Variants in ZSCAN25 observed in about 807,000 individuals in gnomAD.
ZSCAN25 encodes the protein zinc finger and SCAN domain-containing protein 25.
ZSCAN25 carries 27 observed loss-of-function variants against 38.7 expected under a neutral mutation model. The ratio of observed to expected loss-of-function variants is 0.70; its 90% confidence interval spans 0.51 to 0.96. The LOEUF is 0.96. Among genes scored for constraint, ZSCAN25 ranks in the 40% least tolerant of loss-of-function variants. The pLI, the probability that ZSCAN25 is intolerant of heterozygous loss-of-function variation, is 0.00. For missense variants in ZSCAN25, 637 were observed against 705.9 expected (o/e 0.90, Z 1.11); for synonymous variants, 273 against 277.7 (o/e 0.98, Z 0.17).
At chr7:99,650,103 G>C in the ZSCAN25 span, 1 of 1,614,114 alleles carries the variant, frequency 6.2e-7, no homozygotes. Flanking sequence ...TGAAGGAGAA[G>C]TTCTGAAGGA....
At chr7:99,678,629 T>G in the ZSCAN25 span, among the ~76,000 whole-genome samples, 1 of 152,216 alleles carries the variant, frequency 6.6e-6, no homozygotes, top group African/African-American at 2.4e-5. Flanking sequence ...TGTTTTACCA[T>G]CCAGAAGGAA....
chr7:99,631,176 G>A lies in ZSCAN25; in HGVS notation c.*1156G>A. ...TGGGCCTGTATTCATTGCTTTGTCA[G>A]CATCTTGCCCTGAAATGCATTTGTC... is the stretch of plus-strand genomic sequence containing the variant. On this transcript the variant is annotated 3_prime_UTR_variant, in exon 8 of 8. Transcript: ENST00000394152. 1 of 985,362 alleles carries A rather than the reference G, an allele frequency of 1.0e-6. No homozygotes were observed. Among genetic ancestry groups the A allele is most frequent in the South Asian group, 4.7e-5 (1 of 21,290 alleles). 61.0% of individuals were successfully genotyped at this position (985,362 alleles called of 1,614,324 possible). A position where few individuals can be genotyped will look rare whatever the true frequency, so the allele number is the denominator to read the frequency against.
the ZSCAN25 span, among the ~76,000 whole-genome samples, chr7:99,714,371 A>G: frequency 6.6e-6 from 1 of 152,142 alleles, no homozygotes; most frequent in Non-Finnish European, 1.5e-5. Flanking sequence ...ACTCATTCTC[A>G]TATCTCCTTC....
the ZSCAN25 span, among the ~76,000 whole-genome samples, chr7:99,693,405 C>T: frequency 1.1e-4 from 16 of 152,218 alleles, no homozygotes; most frequent in African/African-American, 3.9e-4. Flanking sequence ...GAATACCGTG[C>T]TGAGAGAACC....
chr7:99,623,372 C>G (rs531763910), intron 6 of ZSCAN25, among the ~76,000 whole-genome samples: 1 of 152,318 alleles, frequency 6.6e-6, no homozygotes, highest in East Asian at 1.9e-4. Context: ...ACTCATCTGC[C>G]ACAAATGAGG....
At chr7:99,727,811 C>T in the ZSCAN25 span, among the ~76,000 whole-genome samples, 2 of 152,192 alleles carry the variant, frequency 1.3e-5, no homozygotes, top group Non-Finnish European at 2.9e-5. Flanking sequence ...TTTATACTGA[C>T]TCTAAATGCT....
At chr7:99,727,311 CT>C in the ZSCAN25 span, among the ~76,000 whole-genome samples, 1 of 152,228 alleles carries the variant, frequency 6.6e-6, no homozygotes, top group Non-Finnish European at 1.5e-5. Context: ...CACCCTAATA[CT>C]TTTAGAAGCC....
At chr7:99,643,061 G>A in the ZSCAN25 span, among the ~76,000 whole-genome samples, 1 of 152,016 alleles carries the variant, frequency 6.6e-6, no homozygotes, top group South Asian at 2.1e-4. Context: ...TTTAATGTAG[G>A]TAATGAAGTT....
the ZSCAN25 span, among the ~76,000 whole-genome samples, chr7:99,656,574 A>G: frequency 6.6e-6 from 1 of 152,176 alleles, no homozygotes; most frequent in South Asian, 2.1e-4. Flanking sequence ...AGGCTTTGGT[A>G]TCAGGATGAT....
chr7:99,702,927 T>C, the ZSCAN25 span, among the ~76,000 whole-genome samples: 5 of 152,218 alleles, frequency 3.3e-5, no homozygotes, highest in Non-Finnish European at 7.3e-5. Context: ...CCTTCATCAG[T>C]GTTTTACAGT....
chr7:99,733,006 A>G, the ZSCAN25 span, among the ~76,000 whole-genome samples: 2,815 of 152,296 alleles, frequency 0.018, 83 homozygotes, highest in African/African-American at 0.064. Context: ...ATATGTGGTA[A>G]AATACAACTA....
the ZSCAN25 span, among the ~76,000 whole-genome samples, chr7:99,656,340 A>C: frequency 1.3e-5 from 2 of 152,222 alleles, no homozygotes; most frequent in Non-Finnish European, 2.9e-5. Context: ...TGAGATAATC[A>C]TGTGGGTTTT....
the ZSCAN25 span, among the ~76,000 whole-genome samples, chr7:99,691,140 G>T: frequency 6.6e-6 from 1 of 152,152 alleles, no homozygotes; most frequent in Non-Finnish European, 1.5e-5. Flanking sequence ...CATGTCCTTT[G>T]TAGGGACATG....
chr7:99,701,183 A>G, the ZSCAN25 span, among the ~76,000 whole-genome samples: 1 of 152,184 alleles, frequency 6.6e-6, no homozygotes, highest in African/African-American at 2.4e-5. Context: ...AGATCCCACA[A>G]ATAAGTGAGA....
the ZSCAN25 span, chr7:99,660,409 T>C: frequency 6.7e-7 from 1 of 1,491,492 alleles, no homozygotes; most frequent in Non-Finnish European, 8.9e-7. Context: ...GTGATTATGC[T>C]TTTTATAAAA....
chr7:99,695,562 G>C, the ZSCAN25 span, among the ~76,000 whole-genome samples: 2 of 152,208 alleles, frequency 1.3e-5, no homozygotes, highest in African/African-American at 2.4e-5. Flanking sequence ...GCAAACCTGA[G>C]GTTCCTGAGA....
chr7:99,701,615 T>A, the ZSCAN25 span, among the ~76,000 whole-genome samples: 1 of 152,256 alleles, frequency 6.6e-6, no homozygotes, highest in Admixed American at 6.5e-5. Context: ...CATTTGTTAT[T>A]GCCTGTCTTT....
chr7:99,637,443 A>G, the ZSCAN25 span, among the ~76,000 whole-genome samples: 1 of 149,680 alleles, frequency 6.7e-6, no homozygotes, highest in South Asian at 2.1e-4. Flanking sequence ...TTTGCAGTGG[A>G]AAAAAAAAGT....
intron 7 of ZSCAN25, chr7:99,624,547 G>T: frequency 4.2e-6 from 1 of 236,240 alleles, no homozygotes; most frequent in Admixed American, 4.7e-5. Context: ...CCTGCATGTG[G>T]GCCCTGTGTT....
Sources: allele counts gnomAD v4.1 joint callset (sites outside exome capture counted in the v4.1 genomes callset), GRCh38; gene constraint gnomAD v4.1.1; transcripts MANE v1.5; gene names NCBI Gene and HGNC (gene_info 2026-07-23, HGNC 2026-07-21).